C2CD3: variants seen among roughly 807,000 people sequenced by gnomAD.
The protein encoded by C2CD3 is C2 domain-containing protein 3.
Under a neutral mutation model 234.0 loss-of-function variants are expected in C2CD3, and 148 were observed. The observed-to-expected ratio is 0.63, with a 90% CI of 0.55 to 0.72. The LOEUF is 0.72. Among genes scored for constraint, C2CD3 ranks in the 30% least tolerant of loss-of-function variants. The pLI is 0.00. For synonymous variants in C2CD3, 1,000 were observed against 1,035.4 expected, an observed-to-expected ratio of 0.97 and a Z score of 0.66; for missense variants, 2,577 against 2,811.5, an observed-to-expected ratio of 0.92 and a Z score of 1.89.
chr11:74,031,949 A>C (rs1952536835), intron 31 of C2CD3, among the ~76,000 whole-genome samples: 1 of 151,924 alleles, frequency 6.6e-6, no homozygotes, highest in African/African-American at 2.4e-5. Flanking sequence ...CCACTCTCCC[A>C]CCCCTAGGTT....
rs1352428453 is a variant in C2CD3 at position 74,147,566 on chromosome 11, T to A, written c.484-7738A>T. 2.0e-5 allele frequency among the ~76,000 whole-genome samples: 3 copies of A among 152,214 alleles called. No individual in the cohort carries two copies. In the East Asian group the frequency reaches 5.8e-4, roughly 29 times the overall value. On this transcript the variant is annotated intron_variant, in intron 3 of 32. Transcript: ENST00000334126. Reference sequence around the variant, plus strand: ...TTTTGAGCTTGAGTTTAAAGAAGTCTCCTGGTTTATGTTGTCCAAGGACAA... The same window carrying A: ...TTTTGAGCTTGAGTTTAAAGAAGTCACCTGGTTTATGTTGTCCAAGGACAA...
chr11:74,013,406 A>G lies in C2CD3; in HGVS notation c.7041T>C (p.Ser2347=). ...ETLRIARIFS[S]QYSQKD is the part of the protein sequence containing the mutation. Reference sequence around the variant, plus strand: ...TGCGTCAGTCTTTCTGGGAGTACTGAGAAGAAAATATCCGTGCAATCCTGA... The same window carrying G: ...TGCGTCAGTCTTTCTGGGAGTACTGGGAAGAAAATATCCGTGCAATCCTGA... The change falls in exon 33 of 33, where the codon TCT becomes TCC. Residue 2347 remains serine (S), a synonymous_variant. Transcript: ENST00000334126. 1 of 1,224,446 alleles carries G rather than the reference A, an allele frequency of 8.2e-7. No individual in the cohort carries two copies. Among genetic ancestry groups the G allele is most frequent in the South Asian group, 1.8e-5 (1 of 56,074 alleles). The allele number at this position is 1,224,446 out of a possible 1,614,324, so 75.8% of individuals were successfully genotyped here.
intron 32 of C2CD3, among the ~76,000 whole-genome samples, chr11:74,025,070 T>C (rs1486309199): frequency 6.6e-6 from 1 of 152,100 alleles, no homozygotes; most frequent in East Asian, 1.9e-4. Flanking sequence ...TGCTCTTTAA[T>C]TGAAGTAGAA....
chr11:74,169,127 C>T (rs1195426035), intron 1 of C2CD3, among the ~76,000 whole-genome samples: 1 of 152,182 alleles, frequency 6.6e-6, no homozygotes, highest in East Asian at 1.9e-4. Context: ...TAGACTATAT[C>T]ATACAACTCA....
At chr11:74,028,451 T>A in intron 31 of C2CD3, 53 bp from the exon 32 acceptor site, 1 of 1,142,574 alleles carries the variant, frequency 8.8e-7, no homozygotes, top group Non-Finnish European at 1.2e-6. Flanking sequence ...CCTCTTGCAG[T>A]GGAGGCCAGC....
intron 17 of C2CD3, 144 bp from the exon 18 acceptor site, chr11:74,094,143 G>C: frequency 2.0e-6 from 1 of 508,606 alleles, no homozygotes; most frequent in South Asian, 4.6e-5. Context: ...AGAAGAAAAA[G>C]ATACCTTGCT....
rs758634465 is a variant in C2CD3 at position 74,085,799 on chromosome 11, G to C, written c.3729C>G (p.Pro1243=). 20 of 1,614,126 alleles carry C rather than the reference G, an allele frequency of 1.2e-5. No individual in the cohort carries two copies. The East Asian group carries it at 4.2e-4, about 34-fold the overall frequency. Residue 1243 remains proline (P), a synonymous_variant, in exon 21 of 33, where the codon CCC becomes CCG. Transcript: ENST00000334126. ...GGTGGGTTCGGCGCTGTTCTCCCTG[G>C]GGCAGGAAGGAGAGATGAGTGGTGA... is the stretch of plus-strand genomic sequence containing the variant. ...ASVTTHLSFL[P]QGEQRRTHPV... is the part of the protein sequence containing the mutation.
intron 20 of C2CD3, among the ~76,000 whole-genome samples, chr11:74,089,266 A>AT (rs1478669024): frequency 2.0e-5 from 3 of 152,208 alleles, no homozygotes; most frequent in African/African-American, 7.2e-5. Flanking sequence ...ACATACCCAT[A>AT]TAACAAATCT....
At chr11:74,084,264 C>T (rs879409794) in intron 22 of C2CD3, among the ~76,000 whole-genome samples, 11 of 151,738 alleles carry the variant, frequency 7.2e-5, no homozygotes, top group African/African-American at 1.2e-4. Flanking sequence ...GGACACACGG[C>T]GGGGAACATT....
At chr11:74,085,984 C>G in intron 20 of C2CD3, 98 bp from the exon 21 acceptor site, 3 of 1,250,562 alleles carry the variant, frequency 2.4e-6, no homozygotes, top group Admixed American at 2.8e-5. Flanking sequence ...ATGAGACCAC[C>G]AAGAATAAAA....
chr11:74,033,333 G>T lies in C2CD3; in HGVS notation c.6809+18C>A. 6.5e-7 allele frequency: 1 copy of T among 1,531,908 alleles called. No individual in the cohort carries two copies. The allele number at this position is 1,531,908 out of a possible 1,614,324, so 94.9% of individuals were successfully genotyped here. A position where few individuals can be genotyped will look rare whatever the true frequency, so the allele number is the denominator to read the frequency against. On this transcript the variant is annotated intron_variant, in intron 31 of 32. Coordinates refer to ENST00000334126, the MANE Select transcript of C2CD3 (RefSeq NM_001286577.2). ...AGTACCTGCATCCAAACCACTTGTG[G>T]GAAATGCCAAAGGATACAGCAGGAG...
chr11:74,136,352 C>G (rs1957861035), intron 5 of C2CD3, among the ~76,000 whole-genome samples: 1 of 152,158 alleles, frequency 6.6e-6, no homozygotes, highest in African/African-American at 2.4e-5. Flanking sequence ...ACATTGACAG[C>G]CCATGGGTTG....
At chr11:74,106,728 A>G (rs945611679) in intron 12 of C2CD3, among the ~76,000 whole-genome samples, 3 of 152,210 alleles carry the variant, frequency 2.0e-5, no homozygotes, top group Admixed American at 6.5e-5. Context: ...TGGTGGGAAG[A>G]TTATCTTTTT....
At position 74,113,765 on chromosome 11, in the gene C2CD3, C is replaced by T; in HGVS notation, c.1843+15G>A. 1 of 1,413,766 alleles carries T rather than the reference C, an allele frequency of 7.1e-7. No homozygotes were observed. The highest frequency in any genetic ancestry group is 1.4e-5 in the African/African-American group (1 of 70,856). 87.6% of individuals were successfully genotyped at this position (1,413,766 alleles called of 1,614,324 possible). ...TCAGAATGTCTAAGGTGCAGAAAAC[C>T]AGTGTGTCTCTTACTTCCATCTGTA... On this transcript the variant is annotated intron_variant, in intron 11 of 32. Coordinates refer to ENST00000334126, the MANE Select transcript of C2CD3 (RefSeq NM_001286577.2).
intron 4 of C2CD3, 70 bp downstream of exon 4, chr11:74,139,535 A>G: frequency 9.0e-7 from 1 of 1,114,076 alleles, no homozygotes; most frequent in South Asian, 1.3e-5. Flanking sequence ...TCAACCATAA[A>G]TGAAAGACAG....
In C2CD3 at chr11:74,168,656, A is replaced by G. The variant is rs371543535; in HGVS notation, c.56-43T>C. On this transcript the variant is annotated intron_variant, in intron 1 of 32. Transcript: ENST00000334126. ...AAAACTGAGTCAAAATTTAGACTAAATATAGAAAACATATAATATGCTTTT... is the reference window on the plus strand; with the variant it reads ...AAAACTGAGTCAAAATTTAGACTAAGTATAGAAAACATATAATATGCTTTT... 3.9e-6 allele frequency: 6 copies of G among 1,551,060 alleles called. No individual in the cohort carries two copies. In the African/African-American group the frequency reaches 6.9e-5, roughly 18 times the overall value.
Position 74,166,312 on chromosome 11 carries a change from G to A in C2CD3, c.325+2032C>T, listed in dbSNP as rs369119348. ...AGCCTGGGCAACAGAGTGAGACTCCGTCTTAAAAAAAAAAAAAAAAAAACC... is the reference window on the plus strand; with the variant it reads ...AGCCTGGGCAACAGAGTGAGACTCCATCTTAAAAAAAAAAAAAAAAAAACC... On this transcript the variant is annotated intron_variant, in intron 2 of 32. Transcript: ENST00000334126. Among the ~76,000 whole-genome samples, 288 of 133,344 alleles carry A rather than the reference G, an allele frequency of 2.2e-3. 2 individuals carry two copies. The highest frequency in any genetic ancestry group is 6.3e-3 in the African/African-American group (208 of 32,970). 87.5% of individuals were successfully genotyped at this position (133,344 alleles called of 152,430 possible).
At chr11:74,088,009 G>A (rs982123166) in intron 20 of C2CD3, among the ~76,000 whole-genome samples, 1 of 152,142 alleles carries the variant, frequency 6.6e-6, no homozygotes, top group Non-Finnish European at 1.5e-5. Flanking sequence ...TTCTTGATGA[G>A]AGAAGACTAA....
At position 74,103,686 on chromosome 11, in the gene C2CD3, T is replaced by A. The variant is rs1956407136; in HGVS notation, c.2086-61A>T. 7.1e-6 allele frequency: 10 copies of A among 1,411,218 alleles called. No individual in the cohort carries two copies. The South Asian group carries it at 1.3e-4, about 19-fold the overall frequency. 87.4% of individuals were successfully genotyped at this position (1,411,218 alleles called of 1,614,324 possible). The stretch of plus-strand genomic sequence containing the variant: ...GTCCTTTAGAATTGGAATTAGAATT[T>A]TGAGGCTGGAAACAACATCAGATTA... On this transcript the variant is annotated intron_variant, in intron 13 of 32. Coordinates refer to ENST00000334126, the MANE Select transcript of C2CD3 (RefSeq NM_001286577.2).
Sources: gnomAD v4.1 joint callset for allele counts (sites outside exome capture counted in the v4.1 genomes callset) on GRCh38, gnomAD v4.1.1 for gene constraint, MANE v1.5 for transcripts, NCBI Gene and HGNC (gene_info 2026-07-23, HGNC 2026-07-21) for gene names.